Variants in PALLD observed in about 807,000 individuals in gnomAD.
PALLD encodes palladin.
Under a neutral mutation model 123.5 loss-of-function variants are expected in PALLD, and 61 were observed. That is an observed-to-expected ratio of 0.49 (90% CI 0.40 to 0.61). PALLD has a LOEUF of 0.61. PALLD is among the 20% of genes least tolerant of loss of function. The probability of loss-of-function intolerance (pLI) is 0.00; values close to 1 mark genes in which losing one functional copy is unlikely to be tolerated. For synonymous variants in PALLD, 465 were observed against 496.4 expected (o/e 0.94, Z 0.84); for missense variants, 1,273 against 1,377.0 (o/e 0.92, Z 1.20).
chr4:168,511,498 T>C lies in PALLD; in HGVS notation c.-7T>C, dbSNP rs376752275. On this transcript the variant is annotated 5_prime_UTR_variant, in exon 2 of 22. Coordinates refer to ENST00000505667, the MANE Select transcript of PALLD (RefSeq NM_001166108.2). ...GCAGACACAGAGTGCATGAAGACCG[T>C]TCAAATATGTCAGGGACCTCCTCCC... is the stretch of plus-strand genomic sequence containing the variant. 2.5e-6 allele frequency: 4 copies of C among 1,611,546 alleles called. No homozygotes were observed. In the African/African-American group the frequency reaches 5.3e-5, roughly 22 times the overall value.
intron 2 of PALLD, among the ~76,000 whole-genome samples, chr4:168,616,517 A>G (rs1774237492): frequency 6.6e-6 from 1 of 152,118 alleles, no homozygotes; most frequent in South Asian, 2.1e-4. Context: ...CTAGGGGAGA[A>G]ACAGATGGAA....
At chr4:168,567,671 A>G (rs1768542870) in intron 2 of PALLD, among the ~76,000 whole-genome samples, 1 of 151,526 alleles carries the variant, frequency 6.6e-6, no homozygotes, top group African/African-American at 2.4e-5. Context: ...ACTGGAGGCC[A>G]TTATCCTAAG....
At chr4:168,702,669 A>C (rs1397011275) in intron 8 of PALLD, among the ~76,000 whole-genome samples, 3 of 152,168 alleles carry the variant, frequency 2.0e-5, no homozygotes, top group Non-Finnish European at 4.4e-5. Flanking sequence ...CCCAGGATTC[A>C]TTGATATTGA....
chr4:168,900,046 C>T (rs1233461117), intron 14 of PALLD, among the ~76,000 whole-genome samples: 1 of 152,006 alleles, frequency 6.6e-6, no homozygotes, highest in Non-Finnish European at 1.5e-5. Context: ...AAGGCGAAGG[C>T]GAAAAAGGTG....
intron 10 of PALLD, among the ~76,000 whole-genome samples, chr4:168,756,748 A>G (rs987610468): frequency 6.6e-6 from 1 of 152,226 alleles, no homozygotes; most frequent in African/African-American, 2.4e-5. Flanking sequence ...AGCTCGAAAT[A>G]CAAATCGCAA....
At chr4:168,560,210 T>C (rs1163645657) in intron 2 of PALLD, among the ~76,000 whole-genome samples, 2 of 152,168 alleles carry the variant, frequency 1.3e-5, no homozygotes, top group African/African-American at 2.4e-5. Flanking sequence ...TTCAATAAAA[T>C]AGTTCAGGTA....
At chr4:168,506,235 A>G (rs12648051) in intron 1 of PALLD, 59,941 of 152,108 alleles carry the variant, frequency 0.39, 12,708 homozygotes, top group East Asian at 0.58. Flanking sequence ...TCCTTCTTAC[A>G]AAACTTCCTT....
At chr4:168,866,977 T>C (rs912879266) in intron 10 of PALLD, among the ~76,000 whole-genome samples, 2 of 152,186 alleles carry the variant, frequency 1.3e-5, no homozygotes, top group African/African-American at 2.4e-5. Flanking sequence ...GGAAGTCGCA[T>C]TGCACATGGT....
At position 168,846,859 on chromosome 4, in the gene PALLD, C is replaced by T. The variant is rs529522049; in HGVS notation, c.1965-44063C>T. Among the ~76,000 whole-genome samples, 4 of 152,268 alleles carry T rather than the reference C, an allele frequency of 2.6e-5. No homozygotes were observed. In the South Asian group the frequency reaches 8.3e-4, roughly 32 times the overall value. On this transcript the variant is annotated intron_variant, in intron 10 of 21. Coordinates refer to ENST00000505667, the MANE Select transcript of PALLD (RefSeq NM_001166108.2). ...GGTACCAGGACATCCATTTCTTACC[C>T]ACTACTAGAAATAAGCAATTCGCTT...
intron 10 of PALLD, among the ~76,000 whole-genome samples, chr4:168,889,789 T>C (rs960976499): frequency 6.6e-6 from 1 of 152,144 alleles, no homozygotes; most frequent in Non-Finnish European, 1.5e-5. Context: ...AACTCTGAAT[T>C]TGTGATTCAG....
intron 4 of PALLD, 137 bp from the exon 5 acceptor site, chr4:168,682,861 G>A (rs1781682585): frequency 1.6e-6 from 1 of 609,656 alleles, no homozygotes; most frequent in South Asian, 1.8e-5. Flanking sequence ...AATTACAGTT[G>A]AAGCGGATTG....
intron 3 of PALLD, among the ~76,000 whole-genome samples, chr4:168,674,227 GTTTGAAATCTCTAT>G (rs1160256874): frequency 1.8e-4 from 27 of 152,148 alleles, no homozygotes; most frequent in African/African-American, 5.8e-4. Flanking sequence ...AACATGCTGT[GTTTGAAATCTCTAT>G]TTAGCTAGCC....
intron 10 of PALLD, among the ~76,000 whole-genome samples, chr4:168,880,078 C>T (rs764475788): frequency 2.6e-5 from 4 of 152,152 alleles, no homozygotes; most frequent in Non-Finnish European, 5.9e-5. Context: ...ATCAAAGATT[C>T]GTTTTTCAAA....
intron 8 of PALLD, among the ~76,000 whole-genome samples, chr4:168,691,612 T>A (rs1782639058): frequency 6.6e-6 from 1 of 152,132 alleles, no homozygotes; most frequent in Admixed American, 6.5e-5. Flanking sequence ...AAAAACATCC[T>A]CCTAAAATTC....
chr4:168,757,133 G>A (rs1193194597), intron 10 of PALLD, among the ~76,000 whole-genome samples: 1 of 152,208 alleles, frequency 6.6e-6, no homozygotes, highest in Non-Finnish European at 1.5e-5. Context: ...TTGAAAGAAT[G>A]AAAGGTAGGA....
chr4:168,519,394 C>T (rs7689389), intron 2 of PALLD, among the ~76,000 whole-genome samples: 112,663 of 152,166 alleles, frequency 0.74, 41,931 homozygotes, highest in East Asian at 0.86. Context: ...TTTGATTTAC[C>T]CCATAAAAAC....
intron 2 of PALLD, among the ~76,000 whole-genome samples, chr4:168,558,016 T>G (rs1225105956): frequency 6.6e-6 from 1 of 152,194 alleles, no homozygotes; most frequent in East Asian, 1.9e-4. Flanking sequence ...CATTGAGTGC[T>G]TTGTAGGCTC....
At chr4:168,762,437 C>T (rs1733077427) in intron 10 of PALLD, among the ~76,000 whole-genome samples, 2 of 152,136 alleles carry the variant, frequency 1.3e-5, no homozygotes, top group South Asian at 4.1e-4. Context: ...TGTGCCTGTG[C>T]ACTTCAGCCT....
chr4:168,707,288 C>G (rs1784319305), intron 8 of PALLD, among the ~76,000 whole-genome samples: 1 of 152,212 alleles, frequency 6.6e-6, no homozygotes, highest in African/African-American at 2.4e-5. Flanking sequence ...AAAGCAGCAA[C>G]CATAATTCGG....
Sources: gnomAD v4.1 joint callset for allele counts (sites outside exome capture counted in the v4.1 genomes callset) on GRCh38, gnomAD v4.1.1 for gene constraint, MANE v1.5 for transcripts, NCBI Gene and HGNC (gene_info 2026-07-23, HGNC 2026-07-21) for gene names.